The following NLRP7 variants were observed in gnomAD, a reference collection of about 807,000 sequenced individuals.
The protein encoded by NLRP7 is NACHT, LRR and PYD domains-containing protein 7.
NLRP7 carries 72 observed loss-of-function variants against 85.5 expected under a neutral mutation model. The ratio of observed to expected loss-of-function variants is 0.84; its 90% CI spans 0.70 to 1.02. The LOEUF (loss-of-function observed/expected upper bound fraction) is 1.02. Ranked by LOEUF, NLRP7 falls within the 50% of genes least tolerant of loss-of-function variation. The pLI is 0.00. For missense variants in NLRP7, 1,243 were observed against 1,219.5 expected, an observed-to-expected ratio of 1.02 and a Z score of -0.29; for synonymous variants, 550 against 505.2, an observed-to-expected ratio of 1.09 and a Z score of -1.19.
intron 8 of NLRP7, among the ~76,000 whole-genome samples, chr19:54,933,139 GT>G (rs112864720): frequency 1.3e-5 from 2 of 150,906 alleles, no homozygotes; most frequent in Non-Finnish European, 3.0e-5. Context: ...TATCTGCCTG[GT>G]TTTTTTTGTT....
rs967307872 is a variant in NLRP7, at chr19:54,940,875, G to T, written c.352+56C>A. On this transcript the variant is annotated intron_variant, in intron 3 of 9. Coordinates refer to ENST00000340844, the Ensembl canonical transcript of NLRP7. Reference sequence around the variant, plus strand: ...ATGAATAAAACCAGGAAGAAGTGATGCACCTTGCATGCTCTCAAACACCAA... The same window carrying T: ...ATGAATAAAACCAGGAAGAAGTGATTCACCTTGCATGCTCTCAAACACCAA... 3.0e-6 allele frequency: 3 copies of T among 1,003,574 alleles called. No individual in the cohort carries two copies. In the African/African-American group the frequency reaches 4.8e-5, roughly 16 times the overall value. The allele number at this position is 1,003,574 out of a possible 1,614,324, so 62.2% of individuals were successfully genotyped here.
Position 54,957,346 on chromosome 19 carries a change from C to CTT in NLRP7, c.-77+8692_-77+8693dup, listed in dbSNP as rs369473061. Among the ~76,000 whole-genome samples, 990 of 128,040 alleles carry CTT rather than the reference C, an allele frequency of 7.7e-3. 17 individuals are homozygous for CTT. Among genetic ancestry groups the CTT allele is most frequent in the African/African-American group, 0.029 (935 of 32,676 alleles). The allele number at this position is 128,040 out of a possible 152,430, so 84.0% of individuals were successfully genotyped here. ...CCCCTACTCCTTTCTTCTTCTTCTT[C>CTT]TTTTTTTTTTTTTTTTTGAGATGGA... On this transcript the variant is annotated intron_variant, in intron 1 of 2. Coordinates refer to the NLRP7 transcript ENST00000587103.
At chr19:54,955,820 A>C (rs2069832605) in intron 1 of NLRP7, among the ~76,000 whole-genome samples, 1 of 151,852 alleles carries the variant, frequency 6.6e-6, no homozygotes, top group Non-Finnish European at 1.5e-5. Context: ...CCTGGGTTCA[A>C]GGGATTGTCG....
At chr19:54,950,068 C>A (rs966524187), upstream of NLRP7, among the ~76,000 whole-genome samples, 1 of 151,572 alleles carries the variant, frequency 6.6e-6, no homozygotes, top group South Asian at 2.1e-4. Context: ...CGCCACTGCA[C>A]TCCAGCCTGG....
chr19:54,960,905 T>G (rs1225725629), intron 1 of NLRP7, among the ~76,000 whole-genome samples: 3 of 151,074 alleles, frequency 2.0e-5, no homozygotes, highest in Non-Finnish European at 3.0e-5. Flanking sequence ...CAAAAGATAA[T>G]TTCTTAATCC....
At position 54,941,780 on chromosome 19, in the gene NLRP7, G is replaced by A. The variant is rs140283811; in HGVS notation, c.-39-30C>T. 1.9e-5 allele frequency: 29 copies of A among 1,512,474 alleles called. No homozygotes were observed. The African/African-American group carries it at 2.2e-4, about 12-fold the overall frequency. 93.7% of individuals were successfully genotyped at this position (1,512,474 alleles called of 1,614,324 possible). ...GGGGAAAAAAGGAAAAACAGTTCAC[G>A]AGTTACCATCATTAAATGAAACCAC... On this transcript the variant is annotated intron_variant, in intron 1 of 9. Coordinates refer to ENST00000340844, the Ensembl canonical transcript of NLRP7.
chr19:54,962,804 T>C (rs1213443570), intron 1 of NLRP7, among the ~76,000 whole-genome samples: 3 of 150,410 alleles, frequency 2.0e-5, no homozygotes, highest in Non-Finnish European at 3.0e-5. Flanking sequence ...TTTCACCGTG[T>C]TAGCCAGGAT....
chr19:54,936,869 C>T lies in NLRP7; in HGVS notation c.2130-438G>A, dbSNP rs540035553. 4.3e-3 allele frequency among the ~76,000 whole-genome samples: 633 copies of T among 148,616 alleles called. 2 individuals are homozygous for T. The highest frequency in any genetic ancestry group is 7.6e-3 in the South Asian group (35 of 4,594). On this transcript the variant is annotated intron_variant, in intron 5 of 9. Transcript: ENST00000340844. ...GGCAGAGGTTGCAGTGAGCCGAGACCGCACCACTGCACTCCAGCCTGGGCA... is the reference window on the plus strand; with the variant it reads ...GGCAGAGGTTGCAGTGAGCCGAGACTGCACCACTGCACTCCAGCCTGGGCA...
Position 54,927,808 on chromosome 19 carries a change from C to A in NLRP7, c.2810+2691G>T, listed in dbSNP as rs764774755. 5 of 1,600,992 alleles carry A rather than the reference C, an allele frequency of 3.1e-6. No individual in the cohort carries two copies. The South Asian group carries it at 5.5e-5, about 18-fold the overall frequency. Reference sequence around the variant, plus strand: ...GGAAGAACATGGAAATCCACGCATTCACTGAGCAGGTAGTGGCTCAAGCGT... The same window carrying A: ...GGAAGAACATGGAAATCCACGCATTAACTGAGCAGGTAGTGGCTCAAGCGT... On this transcript the variant is annotated intron_variant, in intron 9 of 9. Transcript: ENST00000340844.
chr19:54,930,115 CA>C (rs34446838), intron 9 of NLRP7, among the ~76,000 whole-genome samples: 35,536 of 100,374 alleles, frequency 0.35, 4,865 homozygotes, highest in East Asian at 0.5. Context: ...GGCTCCGTCT[CA>C]AAAAAAAAAA....
At chr19:54,923,753 T>G in exon 10 of NLRP7, 1 of 1,613,152 alleles carries the variant, frequency 6.2e-7, no homozygotes, top group Non-Finnish European at 8.5e-7. Flanking sequence ...GCAAAAAAAG[T>G]CACAGCACGG....
rs369994355 is a variant in NLRP7, at chr19:54,929,133, T to C, written c.2810+1366A>G. The stretch of plus-strand genomic sequence containing the variant: ...CCTGTAATCCCAGCACTTTGGGAGG[T>C]TGAGGCAGGTGGATCACTTGAGGTC... On this transcript the variant is annotated intron_variant, in intron 9 of 9. Coordinates refer to ENST00000340844, the Ensembl canonical transcript of NLRP7. Among the ~76,000 whole-genome samples the C allele has an allele frequency of 4.5e-4, 68 of 151,704 alleles. 2 individuals carry two copies. The South Asian group carries it at 0.011, about 24-fold the overall frequency.
At chr19:54,950,444 C>T (rs1171315924), upstream of NLRP7, among the ~76,000 whole-genome samples, 1 of 152,044 alleles carries the variant, frequency 6.6e-6, no homozygotes, top group East Asian at 1.9e-4. Context: ...TTCTGAGTTC[C>T]CTTAGTATTT....
chr19:54,937,112 G>A (rs2068965220), intron 5 of NLRP7, among the ~76,000 whole-genome samples: 1 of 151,650 alleles, frequency 6.6e-6, no homozygotes, highest in African/African-American at 2.4e-5. Flanking sequence ...CAGCTACTCG[G>A]GAGGCTGAGG....
chr19:54,937,900 CAAAAAAAAAA>C (rs59058059), intron 5 of NLRP7, 134 bp downstream of exon 5: 3 of 511,368 alleles, frequency 5.9e-6, no homozygotes, highest in South Asian at 2.0e-5. Context: ...TCCGTCTCAC[CAAAAAAAAAA>C]AAAAAAAAAA....
At chr19:54,950,857 G>C (rs1051297069), upstream of NLRP7, among the ~76,000 whole-genome samples, 2 of 152,220 alleles carry the variant, frequency 1.3e-5, no homozygotes, top group Non-Finnish European at 2.9e-5. Flanking sequence ...GGGACGGTCA[G>C]GTCTTTCCCT....
exon 4 of NLRP7, chr19:54,939,502 C>G: frequency 6.2e-7 from 1 of 1,613,792 alleles, no homozygotes. Context: ...ACTCCTGCAC[C>G]CCGAGCCTTT....
intron 2 of NLRP7, 80 bp from the exon 3 acceptor site, chr19:54,941,085 C>A (rs975405979): frequency 9.3e-6 from 10 of 1,080,926 alleles, no homozygotes; most frequent in Admixed American, 1.7e-5. Flanking sequence ...AAGTGTCAGC[C>A]AGGCATGGTG....
chr19:54,941,355 C>G (rs2069210626), intron 2 of NLRP7, 80 bp downstream of exon 2: 1 of 1,044,158 alleles, frequency 9.6e-7, no homozygotes, highest in East Asian at 2.4e-5. Flanking sequence ...ACACTCCAGC[C>G]TGGGCGACAG....
Sources: gnomAD v4.1 joint callset for allele counts (sites outside exome capture counted in the v4.1 genomes callset) on GRCh38, gnomAD v4.1.1 for gene constraint, MANE v1.5 for transcripts, NCBI Gene and HGNC (gene_info 2026-07-23, HGNC 2026-07-21) for gene names.